NOLC1: variants seen among roughly 807,000 people sequenced by gnomAD.
NOLC1 encodes nucleolar and coiled-body phosphoprotein 1.
Under a neutral mutation model 73.4 loss-of-function variants are expected in NOLC1, and 37 were observed. The observed-to-expected ratio is 0.50, with a 90% CI of 0.39 to 0.66. The LOEUF (loss-of-function observed/expected upper bound fraction) is 0.66, where lower values mean the gene tolerates loss of function less well. NOLC1 is among the 30% of genes least tolerant of loss of function. The pLI is 0.00. For synonymous variants in NOLC1, 327 were observed against 302.6 expected (o/e 1.08, Z -0.84); for missense variants, 921 against 838.9 (o/e 1.10, Z -1.21).
chr10:102,159,029 A>G lies in NOLC1; in HGVS notation c.608-164A>G, dbSNP rs1403807982. On this transcript the variant is annotated intron_variant, in intron 5 of 12. Coordinates refer to ENST00000605788, the MANE Select transcript of NOLC1 (RefSeq NM_004741.5). ...AGAGTTGCCTGAACCACTGCACACTAGCCTGTGCAACAGAGCCAGAGCCAG... is the reference window on the plus strand; with the variant it reads ...AGAGTTGCCTGAACCACTGCACACTGGCCTGTGCAACAGAGCCAGAGCCAG... 2.2e-5 allele frequency among the ~76,000 whole-genome samples: 3 copies of G among 138,022 alleles called. No homozygotes were observed. In the Admixed American group the frequency reaches 2.4e-4, roughly 11 times the overall value. 90.5% of individuals were successfully genotyped at this position (138,022 alleles called of 152,430 possible). A position where few individuals can be genotyped will look rare whatever the true frequency, so the allele number is the denominator to read the frequency against.
intron 1 of NOLC1, among the ~76,000 whole-genome samples, chr10:102,155,980 C>T (rs2069588014): frequency 6.6e-6 from 1 of 151,862 alleles, no homozygotes; most frequent in Non-Finnish European, 1.5e-5. Flanking sequence ...CCTCAGCCTC[C>T]CGAGTACCTG....
chr10:102,156,965 G>A (rs2069606141), intron 1 of NOLC1, 54 bp from the exon 2 acceptor site: 2 of 1,550,290 alleles, frequency 1.3e-6, no homozygotes, highest in Non-Finnish European at 1.8e-6. Context: ...CACATTTAAT[G>A]AAAGCATAAC....
chr10:102,155,611 C>T (rs945212919), intron 1 of NOLC1, among the ~76,000 whole-genome samples: 1 of 151,162 alleles, frequency 6.6e-6, no homozygotes, highest in African/African-American at 2.4e-5. Context: ...TGGGTTAAAG[C>T]GATTCTCCTG....
chr10:102,157,166 A>G (rs935547040), intron 2 of NOLC1, 23 bp from the exon 3 acceptor site: 1 of 1,613,950 alleles, frequency 6.2e-7, no homozygotes, highest in Non-Finnish European at 8.5e-7. Flanking sequence ...TCCCCTAGAA[A>G]TTGGTCCAAT....
In NOLC1 at chr10:102,152,444, A is replaced by G; in HGVS notation, c.34A>G (p.Ser12Gly). The G allele has an allele frequency of 1.2e-6, 2 of 1,612,904 alleles. No homozygotes were observed. The highest frequency in any genetic ancestry group is 1.7e-6 in the Non-Finnish European group (2 of 1,180,024). Residue 12 changes from serine (S) to glycine (G), a missense_variant, in exon 1 of 13, where the codon AGC becomes GGC. Coordinates refer to ENST00000605788, the MANE Select transcript of NOLC1 (RefSeq NM_004741.5). ...CGCCGGCATTCGCCGCGTGGTTCCC[A>G]GCGACCTGTATCCCCTCGTGCTCGG... ...ADAGIRRVVP[S>G]DLYPLVLGFL...
chr10:102,162,077 C>G (rs369476979), intron 12 of NOLC1, 34 bp from the exon 13 acceptor site: 3 of 1,610,082 alleles, frequency 1.9e-6, no homozygotes, highest in Admixed American at 3.3e-5. Context: ...CAGCATGGTC[C>G]TCCTCTGTGT....
rs2069743246 is a variant in NOLC1, at chr10:102,163,260, CAAACGTTA to C, written c.*996_*1003del. On this transcript the variant is annotated 3_prime_UTR_variant, in exon 13 of 13. Transcript: ENST00000605788. ...ATCAAGAAAGTGGGGGGAAAAAAAACAAACGTTAAAACCTCAATCCTCAGTAGGAAGGT... is the reference window on the plus strand; with the variant it reads ...ATCAAGAAAGTGGGGGGAAAAAAAACAAACCTCAATCCTCAGTAGGAAGGT... The C allele has an allele frequency of 6.6e-6, 1 of 151,478 alleles. No individual in the cohort carries two copies. Among genetic ancestry groups the C allele is most frequent in the Non-Finnish European group, 1.5e-5 (1 of 67,672 alleles). 9.4% of individuals were successfully genotyped at this position (151,478 alleles called of 1,614,324 possible).
intron 11 of NOLC1, 38 bp from the exon 12 acceptor site, chr10:102,161,795 C>A: frequency 6.3e-7 from 1 of 1,592,742 alleles, no homozygotes; most frequent in Non-Finnish European, 8.6e-7. Context: ...TGTTACATGA[C>A]CACTCTGTCT....
chr10:102,157,118 T>C, intron 2 of NOLC1, 44 bp downstream of exon 2: 1 of 1,613,990 alleles, frequency 6.2e-7, no homozygotes, highest in Non-Finnish European at 8.5e-7. Context: ...TCCCCCAAGA[T>C]AGGCTGGGCT....
chr10:102,159,593 T>G, intron 7 of NOLC1, 25 bp downstream of exon 7: 2 of 1,608,784 alleles, frequency 1.2e-6, no homozygotes, highest in South Asian at 1.1e-5. Context: ...GGAGCGAAGC[T>G]GTGTGACTGT....
chr10:102,158,003 A>C, intron 4 of NOLC1, 46 bp from the exon 5 acceptor site: 1 of 1,575,044 alleles, frequency 6.3e-7, no homozygotes, highest in Non-Finnish European at 8.6e-7. Context: ...CCCTTTGGGT[A>C]CCCGGAAGCT....
chr10:102,160,205 C>G (rs1035490762), intron 8 of NOLC1, 28 bp from the exon 9 acceptor site: 1 of 1,605,522 alleles, frequency 6.2e-7, no homozygotes, highest in Non-Finnish European at 8.5e-7. Flanking sequence ...GACTCTGGAC[C>G]CAGCATAATG....
intron 1 of NOLC1, among the ~76,000 whole-genome samples, chr10:102,154,020 T>C (rs575245042): frequency 6.6e-6 from 1 of 151,942 alleles, no homozygotes; most frequent in Admixed American, 6.6e-5. Flanking sequence ...AGCTAATCTT[T>C]GTGAAGAGCT....
chr10:102,160,037 G>A lies in NOLC1; in HGVS notation c.988+13G>A. ...AGTGATGAGTCTGGTGAGTCAGAGG[G>A]ATGCAGCCTCCCCTCAGCGTGGGTC... On this transcript the variant is annotated intron_variant, in intron 8 of 12. Coordinates refer to ENST00000605788, the MANE Select transcript of NOLC1 (RefSeq NM_004741.5). 1 of 1,610,774 alleles carries A rather than the reference G, an allele frequency of 6.2e-7. No homozygotes were observed. Among genetic ancestry groups the A allele is most frequent in the Non-Finnish European group, 8.5e-7 (1 of 1,178,354 alleles).
rs183045730 is a variant in NOLC1, at chr10:102,163,482, A to C, written c.*1213A>C. 3.3e-5 allele frequency: 5 copies of C among 152,338 alleles called. No individual in the cohort carries two copies. In the East Asian group the frequency reaches 9.6e-4, roughly 29 times the overall value. The allele number at this position is 152,338 out of a possible 1,614,324, so 9.4% of individuals were successfully genotyped here. A position where few individuals can be genotyped will look rare whatever the true frequency, so the allele number is the denominator to read the frequency against. ...CTTCAGAACCTTAACTGTTAGTAGC[A>C]GTGGCTGTAACAACACAAACCAGTG... On this transcript the variant is annotated 3_prime_UTR_variant, in exon 13 of 13. Transcript: ENST00000605788.
Position 102,160,811 on chromosome 10 carries a change from A to T in NOLC1, c.1459A>T (p.Lys487Ter). The T allele has an allele frequency of 6.2e-7, 1 of 1,614,194 alleles. No homozygotes were observed. The highest frequency in any genetic ancestry group is 8.5e-7 in the Non-Finnish European group (1 of 1,180,030). The change falls in exon 10 of 13, where the codon AAG becomes TAG. Residue 487 changes from lysine to a stop codon, truncating the protein, a stop_gained. Transcript: ENST00000605788. LOFTEE classifies it high-confidence loss of function. ...TGAGGAGGAGGAAGAGAAGACATCT[A>T]AGTCTGCAGTTAAGAAGAAGCCACA... Reference protein sequence around the residue: ...SSEEEEEKTSKSAVKKKPQKV... With the variant: ...SSEEEEEKTS
In NOLC1 at chr10:102,163,597, C is replaced by T. The variant is rs921650611; in HGVS notation, c.*1328C>T. 3 of 152,160 alleles carry T rather than the reference C, an allele frequency of 2.0e-5. No homozygotes were observed. Among genetic ancestry groups the T allele is most frequent in the Non-Finnish European group, 2.9e-5 (2 of 68,038 alleles). The allele number at this position is 152,160 out of a possible 1,614,324, so 9.4% of individuals were successfully genotyped here. On this transcript the variant is annotated 3_prime_UTR_variant, in exon 13 of 13. Transcript: ENST00000605788. ...GTAGCGGTACTCAGCCAGACCAAGA[C>T]GGAGAGGGAAGAGTCCACAGCTTTC...
At position 102,162,239 on chromosome 10, in the gene NOLC1, G is replaced by T; in HGVS notation, c.2070G>T (p.Gln690His). Residue 690 changes from glutamine to histidine, a missense_variant, in exon 13 of 13, where the codon CAG (glutamine) becomes CAT (histidine). Coordinates refer to ENST00000605788, the MANE Select transcript of NOLC1 (RefSeq NM_004741.5). ...ACCGGGGAGGCTCAATCTCTGTCCAGGTCAATTCTATTAAGTTTGACAGCG... is the reference window on the plus strand; with the variant it reads ...ACCGGGGAGGCTCAATCTCTGTCCATGTCAATTCTATTAAGTTTGACAGCG... ...GSYRGGSISV[Q>H]VNSIKFDSE The T allele has an allele frequency of 6.2e-7, 1 of 1,614,068 alleles. No homozygotes were observed. The highest frequency in any genetic ancestry group is 1.1e-5 in the South Asian group (1 of 91,068).
At chr10:102,161,521 T>C (rs1310293195) in intron 10 of NOLC1, 35 bp from the exon 11 acceptor site, 1 of 1,534,138 alleles carries the variant, frequency 6.5e-7, no homozygotes, top group Non-Finnish European at 9.0e-7. Flanking sequence ...TGTGAGCCAC[T>C]GTACTCGGCC....
Sources: gnomAD v4.1 joint callset for allele counts (sites outside exome capture counted in the v4.1 genomes callset) on GRCh38, gnomAD v4.1.1 for gene constraint, MANE v1.5 for transcripts, NCBI Gene and HGNC (gene_info 2026-07-23, HGNC 2026-07-21) for gene names.